PLXNA4: variants seen among roughly 807,000 people sequenced by gnomAD.
PLXNA4 encodes plexin-A4.
A neutral mutation model predicts 191.8 loss-of-function variants in PLXNA4; 44 were observed. The ratio of observed to expected loss-of-function variants is 0.23; its 90% CI spans 0.18 to 0.29. The LOEUF is 0.29. PLXNA4 is among the 10% of genes least tolerant of loss of function. The pLI is 1.00. For missense variants in PLXNA4, 1,800 were observed against 2,488.8 expected, an observed-to-expected ratio of 0.72 and a Z score of 5.89; for synonymous variants, 1,082 against 1,009.5, an observed-to-expected ratio of 1.07 and a Z score of -1.36.
At chr7:132,609,646 C>T (rs567153757) in intron 2 of PLXNA4, among the ~76,000 whole-genome samples, 1 of 152,224 alleles carries the variant, frequency 6.6e-6, no homozygotes, top group Non-Finnish European at 1.5e-5. Flanking sequence ...ATTATCCTCA[C>T]TTTATAGGTG....
chr7:132,182,859 G>C (rs1796755809), intron 16 of PLXNA4, among the ~76,000 whole-genome samples: 1 of 152,180 alleles, frequency 6.6e-6, no homozygotes, highest in Non-Finnish European at 1.5e-5. Flanking sequence ...TGCTGACAGG[G>C]AGGGCCTAGG....
intron 2 of PLXNA4, among the ~76,000 whole-genome samples, chr7:132,503,868 A>G (rs994729614): frequency 1.3e-5 from 2 of 152,166 alleles, no homozygotes; most frequent in Non-Finnish European, 2.9e-5. Flanking sequence ...TTCAGATACT[A>G]ACCCACTTGT....
chr7:132,315,933 TTGG>T (rs1219649883), intron 3 of PLXNA4, among the ~76,000 whole-genome samples: 1 of 152,092 alleles, frequency 6.6e-6, no homozygotes, highest in Non-Finnish European at 1.5e-5. Flanking sequence ...GAGTGGTAGG[TTGG>T]ATGCAGGTGC....
intron 4 of PLXNA4, among the ~76,000 whole-genome samples, chr7:132,296,441 C>CTT (rs11386403): frequency 0.044 from 6,323 of 145,328 alleles, 412 homozygotes; most frequent in African/African-American, 0.14. Flanking sequence ...TTTAATTTCT[C>CTT]TTTTTTTTTT....
At chr7:132,393,190 A>ACCC (rs747385813) in intron 3 of PLXNA4, among the ~76,000 whole-genome samples, 3 of 95,192 alleles carry the variant, frequency 3.2e-5, no homozygotes, top group Admixed American at 1.2e-4. Flanking sequence ...GACCCCCAAC[A>ACCC]CCCCCCCCCA....
At chr7:132,329,360 T>C (rs181371927) in intron 3 of PLXNA4, among the ~76,000 whole-genome samples, 1 of 152,174 alleles carries the variant, frequency 6.6e-6, no homozygotes, top group Non-Finnish European at 1.5e-5. Context: ...TTGGAATGAA[T>C]TTTTATATCT....
chr7:132,435,399 A>G (rs903164864), intron 3 of PLXNA4, among the ~76,000 whole-genome samples: 1 of 152,058 alleles, frequency 6.6e-6, no homozygotes, highest in African/African-American at 2.4e-5. Context: ...GCCTGTTCTA[A>G]TCGGCCCCGT....
Position 132,489,369 on chromosome 7 carries a change from T to C in PLXNA4, c.1294A>G (p.Met432Val). Residue 432 changes from methionine to valine, a missense_variant, in exon 3 of 32, where the codon ATG (methionine) becomes GTG (valine). By Grantham distance (21) the Met-to-Val change is conservative. Coordinates refer to ENST00000321063, the MANE Select transcript of PLXNA4 (RefSeq NM_020911.2). ...IPVFTEDRDR[M>V]TSVIAYVYKN... is the part of the protein sequence containing the mutation. ...TAGACATATGCGATGACAGACGTCA[T>C]GCGGTCCCTGTCCTCCGTGAAGACG... 6.2e-7 allele frequency: 1 copy of C among 1,607,144 alleles called. No homozygotes were observed. The highest frequency in any genetic ancestry group is 8.5e-7 in the Non-Finnish European group (1 of 1,174,088).
intron 2 of PLXNA4, among the ~76,000 whole-genome samples, chr7:132,607,245 G>A (rs117518334): frequency 1.2e-4 from 19 of 152,294 alleles, no homozygotes; most frequent in Non-Finnish European, 1.9e-4. Flanking sequence ...CCTTCTGAGC[G>A]TGGTTTCAAA....
intron 2 of PLXNA4, among the ~76,000 whole-genome samples, chr7:132,632,728 G>A (rs1432797011): frequency 6.6e-6 from 1 of 152,292 alleles, no homozygotes; most frequent in African/African-American, 2.4e-5. Context: ...TAAATGACTT[G>A]TTAACACCGC....
chr7:132,467,159 A>G (rs1006865614), intron 3 of PLXNA4, among the ~76,000 whole-genome samples: 1 of 152,214 alleles, frequency 6.6e-6, no homozygotes, highest in African/African-American at 2.4e-5. Context: ...TCATCAAGTC[A>G]CAAAATAAGA....
intron 1 of PLXNA4, among the ~76,000 whole-genome samples, chr7:132,552,641 T>C (rs966402328): frequency 6.6e-6 from 1 of 152,192 alleles, no homozygotes; most frequent in Non-Finnish European, 1.5e-5. Flanking sequence ...GGTATCTGAT[T>C]ACCCGAGCCG....
chr7:132,539,727 T>A (rs147728108), intron 1 of PLXNA4, among the ~76,000 whole-genome samples: 47 of 152,350 alleles, frequency 3.1e-4, no homozygotes, highest in African/African-American at 1.1e-3. Flanking sequence ...GCATAGAATG[T>A]GCTTAGCAAA....
At chr7:132,226,120 G>T in intron 8 of PLXNA4, 41 bp downstream of exon 8, 1 of 1,554,442 alleles carries the variant, frequency 6.4e-7, no homozygotes, top group South Asian at 1.1e-5. Context: ...GATGAAACTT[G>T]ACCCCAGGAA....
intron 1 of PLXNA4, among the ~76,000 whole-genome samples, chr7:132,564,138 TCTC>T (rs1201069274): frequency 5.3e-5 from 4 of 76,144 alleles, no homozygotes; most frequent in Admixed American, 1.4e-4. Context: ...TCCTCCTCCT[TCTC>T]CTCCTCCTCC....
In PLXNA4 at chr7:132,127,366, G is replaced by A. The variant is rs1341801471; in HGVS notation, c.*3113C>T. On this transcript the variant is annotated 3_prime_UTR_variant, in exon 32 of 32. Transcript: ENST00000321063. The stretch of plus-strand genomic sequence containing the variant: ...AGGGGCCTCCATCCCACAGGACAAA[G>A]TTGGCCCAATTCCTTTCTCTGGGAG... 2.0e-5 allele frequency: 3 copies of A among 152,112 alleles called. No homozygotes were observed. Among genetic ancestry groups the A allele is most frequent in the Non-Finnish European group, 4.4e-5 (3 of 68,050 alleles). 9.4% of individuals were successfully genotyped at this position (152,112 alleles called of 1,614,324 possible). A position where few individuals can be genotyped will look rare whatever the true frequency, so the allele number is the denominator to read the frequency against.
At chr7:132,148,899 G>A (rs1346914164) in intron 25 of PLXNA4, among the ~76,000 whole-genome samples, 1 of 152,172 alleles carries the variant, frequency 6.6e-6, no homozygotes, top group Non-Finnish European at 1.5e-5. Flanking sequence ...TTGCCCATCT[G>A]CTTGCTGTGA....
intron 25 of PLXNA4, among the ~76,000 whole-genome samples, chr7:132,152,294 A>AT (rs1795669274): frequency 6.6e-6 from 1 of 152,098 alleles, no homozygotes; most frequent in South Asian, 2.1e-4. Flanking sequence ...AGAAGTAAAG[A>AT]TCCCAAGGTC....
At chr7:132,608,063 TCACCATCAC>T (rs1311344309) in intron 2 of PLXNA4, among the ~76,000 whole-genome samples, 3 of 148,626 alleles carry the variant, frequency 2.0e-5, no homozygotes, top group Non-Finnish European at 1.5e-5. Context: ...CTCATCACTA[TCACCATCAC>T]CACCATCACC....
Sources: gnomAD v4.1 joint callset for allele counts (sites outside exome capture counted in the v4.1 genomes callset) on GRCh38, gnomAD v4.1.1 for gene constraint, MANE v1.5 for transcripts, NCBI Gene and HGNC (gene_info 2026-07-23, HGNC 2026-07-21) for gene names.